Variants in NME9 observed in about 807,000 individuals in gnomAD.
The protein encoded by NME9 is NME/NM23 family member 9, also known as thioredoxin domain-containing protein 6.
A neutral mutation model predicts 44.4 loss-of-function variants in NME9; 48 were observed. The ratio of observed to expected loss-of-function variants is 1.08; its 90% confidence interval spans 0.86 to 1.37. NME9 has a LOEUF of 1.37. NME9 is among the 40% of genes most tolerant of loss of function. NME9 has a pLI of 0.00. For missense variants in NME9, 325 were observed against 405.2 expected (o/e 0.80, Z 1.70); for synonymous variants, 139 against 147.1 (o/e 0.94, Z 0.40).
Position 138,262,546 on chromosome 3 carries a change from TA to T in NME9, c.785del (p.Leu262GlnfsTer34), listed in dbSNP as rs758028966. ...ACTTCTGAATCCTCTCATTTTAGTC[TA>T]GGTCAGTGATCTTCAACCTTGGCTG... is the stretch of plus-strand genomic sequence containing the variant. On this transcript the variant is annotated frameshift_variant, in exon 9 of 9. Transcript: ENST00000317876. LOFTEE classifies it high-confidence loss of function. The T allele has an allele frequency of 6.2e-7, 1 of 1,612,632 alleles. No homozygotes were observed. Among genetic ancestry groups the T allele is most frequent in the South Asian group, 1.1e-5 (1 of 90,930 alleles).
chr3:138,310,448 A>G (rs1443193515), intron 6 of NME9, among the ~76,000 whole-genome samples: 3 of 151,782 alleles, frequency 2.0e-5, no homozygotes, highest in Admixed American at 6.6e-5. Flanking sequence ...ATTTCACCCA[A>G]CTGCTACAGA....
chr3:138,310,719 A>C (rs1288924194), intron 6 of NME9, among the ~76,000 whole-genome samples: 1 of 152,210 alleles, frequency 6.6e-6, no homozygotes, highest in Admixed American at 6.5e-5. Flanking sequence ...GAAACAAATG[A>C]AAACGGAAAT....
intron 2 of NME9, 87 bp from the exon 3 acceptor site, chr3:138,319,668 C>T: frequency 1.4e-6 from 1 of 708,842 alleles, no homozygotes; most frequent in South Asian, 1.5e-5. Flanking sequence ...TTCTAACCCC[C>T]CTCAAATGGA....
At chr3:138,267,281 A>G (rs2108281766) in intron 8 of NME9, 4 of 1,245,090 alleles carry the variant, frequency 3.2e-6, no homozygotes, top group Non-Finnish European at 3.3e-6. Context: ...TGCCCAGTCC[A>G]GCTAGAGCTT....
rs545715982 is a variant in NME9 at position 138,301,347 on chromosome 3, G to A, written c.*293C>T. ...AGCCACCCGAGTAGCTGGATGACAG[G>A]TGCACACCACCACGCCCGGCTAATT... is the stretch of plus-strand genomic sequence containing the variant. On this transcript the variant is annotated 3_prime_UTR_variant, in exon 11 of 11. Transcript: ENST00000333911. The A allele has an allele frequency of 1.2e-5, 5 of 416,640 alleles. No homozygotes were observed. In the East Asian group the frequency reaches 3.9e-4, roughly 33 times the overall value. 25.8% of individuals were successfully genotyped at this position (416,640 alleles called of 1,614,324 possible).
chr3:138,267,340 T>G (rs1281234167), intron 8 of NME9: 13 of 666,464 alleles, frequency 2.0e-5, no homozygotes, highest in Non-Finnish European at 3.2e-5. Context: ...TGGGTTGGGT[T>G]TAAAAACTAC....
chr3:138,318,709 T>C (rs2053264897), intron 3 of NME9, among the ~76,000 whole-genome samples: 1 of 152,176 alleles, frequency 6.6e-6, no homozygotes, highest in Non-Finnish European at 1.5e-5. Flanking sequence ...TTCTCCTGTC[T>C]TCACTGCCTA....
chr3:138,307,253 A>G (rs981740151), intron 6 of NME9, among the ~76,000 whole-genome samples: 2 of 152,210 alleles, frequency 1.3e-5, no homozygotes, highest in African/African-American at 4.8e-5. Context: ...CCAATTAGCT[A>G]TGACAATGAG....
Position 138,314,361 on chromosome 3 carries a change from C to A in NME9, c.431G>T (p.Gly144Val). ...LSDEDECVSH[G>V]KNNGEDEDMV... ...GTCCTCATCTTCACCATTATTCTTT[C>A]CATGGGAAACACATTCATCTTCATC... The change falls in exon 6 of 11, where the codon GGA (glycine) becomes GTA (valine). Residue 144 changes from glycine to valine, a missense_variant. By Grantham distance (109) the Gly-to-Val change is moderately radical. Transcript: ENST00000333911. The A allele has an allele frequency of 6.2e-7, 1 of 1,609,890 alleles. No individual in the cohort carries two copies. The highest frequency in any genetic ancestry group is 8.5e-7 in the Non-Finnish European group (1 of 1,176,878).
Position 138,320,817 on chromosome 3 carries a change from G to A in NME9, c.92-1236C>T, listed in dbSNP as rs542404187. Among the ~76,000 whole-genome samples, 641 of 152,262 alleles carry A rather than the reference G, an allele frequency of 4.2e-3. 2 individuals carry two copies. Among genetic ancestry groups the A allele is most frequent in the Non-Finnish European group, 6.9e-3 (466 of 68,018 alleles). ...TGCTGGACCAGACCTGCCCGAGATG[G>A]TGTGGTAGGAAGTGGTGGCAGGGAT... On this transcript the variant is annotated intron_variant, in intron 2 of 10. Transcript: ENST00000333911.
chr3:138,301,267 T>C lies in NME9; in HGVS notation c.*373A>G, dbSNP rs151038251. 352 of 422,734 alleles carry C rather than the reference T, an allele frequency of 8.3e-4. 2 individuals are homozygous for C. The highest frequency in any genetic ancestry group is 7.2e-3 in the African/African-American group (337 of 46,734). The allele number at this position is 422,734 out of a possible 1,614,324, so 26.2% of individuals were successfully genotyped here. ...TCACCCAGGCTGGAGTGCAGTGGCATGATCTCGGCTTACTGCAACCTTCAC... is the reference window on the plus strand; with the variant it reads ...TCACCCAGGCTGGAGTGCAGTGGCACGATCTCGGCTTACTGCAACCTTCAC... On this transcript the variant is annotated 3_prime_UTR_variant, in exon 11 of 11. Transcript: ENST00000333911.
intron 8 of NME9, among the ~76,000 whole-genome samples, chr3:138,287,196 T>C (rs1032158278): frequency 4.6e-5 from 7 of 152,226 alleles, no homozygotes; most frequent in African/African-American, 1.4e-4. Context: ...AGGGGCTTCC[T>C]CTCAACACAG....
At chr3:138,320,160 A>C (rs1416980040) in intron 2 of NME9, among the ~76,000 whole-genome samples, 1 of 152,152 alleles carries the variant, frequency 6.6e-6, no homozygotes, top group Non-Finnish European at 1.5e-5. Context: ...CTTTAATCCC[A>C]ATCTATAGTA....
chr3:138,326,118 A>G (rs936138260), intron 1 of NME9, among the ~76,000 whole-genome samples: 10 of 152,186 alleles, frequency 6.6e-5, no homozygotes, highest in Non-Finnish European at 1.5e-4. Context: ...TATTTTGTAG[A>G]ATGTCCCTCA....
chr3:138,319,259 G>C (rs2053307445), intron 3 of NME9, among the ~76,000 whole-genome samples: 1 of 152,110 alleles, frequency 6.6e-6, no homozygotes, highest in African/African-American at 2.4e-5. Flanking sequence ...ACCAAGAACT[G>C]CTCAAGCCAA....
At chr3:138,293,186 G>A (rs2051139504) in intron 8 of NME9, among the ~76,000 whole-genome samples, 1 of 152,198 alleles carries the variant, frequency 6.6e-6, no homozygotes, top group South Asian at 2.1e-4. Flanking sequence ...CTTCCAGATT[G>A]TGAAGCACAC....
intron 8 of NME9, among the ~76,000 whole-genome samples, chr3:138,277,563 C>T (rs2049420819): frequency 6.6e-6 from 1 of 152,102 alleles, no homozygotes; most frequent in Non-Finnish European, 1.5e-5. Flanking sequence ...AACAACCAAA[C>T]ATAAAACTGA....
chr3:138,263,148 G>A (rs2047920577), intron 8 of NME9, among the ~76,000 whole-genome samples: 1 of 152,228 alleles, frequency 6.6e-6, no homozygotes. Flanking sequence ...TTTGTATCTA[G>A]ACATTGATGA....
In NME9 at chr3:138,329,694, G is replaced by T; in HGVS notation, c.-359C>A. ...CCTGTCGGGCACAGGGTCGCCAGTC[G>T]AGGAATTCTGACAAAAAAACGACAT... On this transcript the variant is annotated 5_prime_UTR_variant, in exon 1 of 11. It introduces an in-frame stop codon into an upstream open reading frame of the 5' UTR. Transcript: ENST00000333911. The T allele has an allele frequency of 1.8e-6, 2 of 1,138,548 alleles. No individual in the cohort carries two copies. The highest frequency in any genetic ancestry group is 2.2e-6 in the Non-Finnish European group (2 of 926,610). The allele number at this position is 1,138,548 out of a possible 1,614,324, so 70.5% of individuals were successfully genotyped here. A position where few individuals can be genotyped will look rare whatever the true frequency, so the allele number is the denominator to read the frequency against.
Sources: allele counts gnomAD v4.1 joint callset (sites outside exome capture counted in the v4.1 genomes callset), GRCh38; gene constraint gnomAD v4.1.1; transcripts MANE v1.5; gene names NCBI Gene and HGNC (gene_info 2026-07-23, HGNC 2026-07-21).